MAP3K5: variants seen among roughly 807,000 people sequenced by gnomAD.
MAP3K5 encodes the protein mitogen-activated protein kinase kinase kinase 5, also known as ASK-1.
In MAP3K5, 56 loss-of-function variants were observed where a neutral mutation model predicts 158.7. The observed-to-expected ratio is 0.35, with a 90% CI of 0.28 to 0.44. MAP3K5 has a LOEUF of 0.44. Ranked by LOEUF, MAP3K5 falls within the 20% of genes least tolerant of loss-of-function variation. The probability of loss-of-function intolerance (pLI) is 1.00; values close to 1 mark genes in which losing one functional copy is unlikely to be tolerated. For synonymous variants in MAP3K5, 579 were observed against 601.7 expected (o/e 0.96, Z 0.55); for missense variants, 1,294 against 1,674.8 (o/e 0.77, Z 3.97).
rs1227434080 is a variant in MAP3K5, at chr6:136,609,992, A to C, written c.2521+1290T>G. 6.6e-6 allele frequency among the ~76,000 whole-genome samples: 1 copy of C among 152,016 alleles called. No homozygotes were observed. The highest frequency in any genetic ancestry group is 1.9e-4 in the East Asian group (1 of 5,194). On this transcript the variant is annotated intron_variant, in intron 18 of 29. Transcript: ENST00000359015. The surrounding 1 kb of genome is among the most constrained non-coding windows in gnomAD (Gnocchi z 4.4). ...CCGGTACACACTGCTGTGACTTCTG[A>C]CTGCAATGTCACTTCTCTCCCAGGT...
chr6:136,770,914 T>A (rs1040700135), intron 1 of MAP3K5, among the ~76,000 whole-genome samples: 13 of 152,180 alleles, frequency 8.5e-5, no homozygotes, highest in East Asian at 3.8e-4. Flanking sequence ...ATATAATAAA[T>A]TTTTAAAAAC....
At chr6:136,668,668 TA>T (rs1403396031) in intron 8 of MAP3K5, among the ~76,000 whole-genome samples, 2 of 152,164 alleles carry the variant, frequency 1.3e-5, no homozygotes, top group African/African-American at 4.8e-5. Context: ...TAAGATGCCC[TA>T]ACTTCTTTAA....
chr6:136,789,989 G>A (rs896727409), intron 1 of MAP3K5, among the ~76,000 whole-genome samples: 2 of 152,144 alleles, frequency 1.3e-5, no homozygotes, highest in African/African-American at 4.8e-5. Context: ...ACCACGCCTG[G>A]CCCAAGCACA....
chr6:136,658,922 G>A (rs1235409867), intron 9 of MAP3K5, among the ~76,000 whole-genome samples: 1 of 152,196 alleles, frequency 6.6e-6, no homozygotes. Context: ...AGTTATATTT[G>A]CAGGTGCAAA....
intron 8 of MAP3K5, among the ~76,000 whole-genome samples, chr6:136,664,132 T>C (rs2114492900): frequency 6.6e-6 from 1 of 152,312 alleles, no homozygotes. Context: ...CCATTGCTCT[T>C]ATTACTGCCT....
intron 26 of MAP3K5, among the ~76,000 whole-genome samples, chr6:136,566,088 C>A (rs1774095047): frequency 6.6e-6 from 1 of 152,068 alleles, no homozygotes; most frequent in African/African-American, 2.4e-5. Flanking sequence ...AAGAAAGCGG[C>A]CGGAAGCCCT....
chr6:136,714,707 T>C (rs923773885), intron 2 of MAP3K5, among the ~76,000 whole-genome samples: 1 of 152,152 alleles, frequency 6.6e-6, no homozygotes, highest in Admixed American at 6.5e-5. Flanking sequence ...TTCAGTTCTT[T>C]TGGGTATATA....
chr6:136,752,287 G>T (rs955420351), intron 1 of MAP3K5, among the ~76,000 whole-genome samples: 2 of 152,172 alleles, frequency 1.3e-5, no homozygotes, highest in African/African-American at 4.8e-5. Context: ...AAATCAATAA[G>T]GGCTGTATTA....
intron 2 of MAP3K5, among the ~76,000 whole-genome samples, chr6:136,719,302 A>C (rs1781656989): frequency 6.6e-6 from 1 of 152,238 alleles, no homozygotes; most frequent in Non-Finnish European, 1.5e-5. Flanking sequence ...ATGTCTAATT[A>C]AAAATGAGTT....
intron 1 of MAP3K5, among the ~76,000 whole-genome samples, chr6:136,774,237 A>C (rs928487386): frequency 6.6e-6 from 1 of 152,092 alleles, no homozygotes; most frequent in African/African-American, 2.4e-5. Context: ...ATAAACCTCT[A>C]GTATAACAAT....
At chr6:136,791,042 G>C (rs185243931) in intron 1 of MAP3K5, among the ~76,000 whole-genome samples, 103 of 152,246 alleles carry the variant, frequency 6.8e-4, no homozygotes, top group Middle Eastern at 3.4e-3. Flanking sequence ...ATGGTTTATG[G>C]GGTAATAAAA....
intron 3 of MAP3K5, among the ~76,000 whole-genome samples, chr6:136,702,317 A>C (rs1780888079): frequency 6.6e-6 from 1 of 152,178 alleles, no homozygotes; most frequent in African/African-American, 2.4e-5. Flanking sequence ...TGTGTTTTTC[A>C]AAAAGATATA....
At chr6:136,610,867 T>A (rs908349534) in intron 18 of MAP3K5, among the ~76,000 whole-genome samples, 10 of 151,824 alleles carry the variant, frequency 6.6e-5, no homozygotes, top group African/African-American at 2.4e-4. Flanking sequence ...CCAACACTTT[T>A]GGAGGCCACA....
At chr6:136,783,396 A>T (rs1333954568) in intron 1 of MAP3K5, among the ~76,000 whole-genome samples, 3 of 152,016 alleles carry the variant, frequency 2.0e-5, no homozygotes, top group African/African-American at 7.2e-5. Flanking sequence ...TAAAATTTTC[A>T]AGTTTAATTT....
intron 15 of MAP3K5, among the ~76,000 whole-genome samples, chr6:136,616,792 G>A (rs1250029042): frequency 2.0e-5 from 3 of 151,870 alleles, no homozygotes; most frequent in South Asian, 2.1e-4. Flanking sequence ...GCAGTGGCAC[G>A]ATTACAGCTC....
intron 1 of MAP3K5, among the ~76,000 whole-genome samples, chr6:136,775,468 G>A (rs760583443): frequency 2.0e-5 from 3 of 152,166 alleles, no homozygotes; most frequent in African/African-American, 4.8e-5. Context: ...TGAGAGTCTC[G>A]AATTCTCCTG....
In MAP3K5 at chr6:136,740,640, AG is replaced by A. The variant is rs1218011401; in HGVS notation, c.449-20052del. On this transcript the variant is annotated intron_variant, in intron 1 of 29. Transcript: ENST00000359015. ...TAAAAAAAAAGAAAGATTTAAAAAA[AG>A]AAGAAATGTTACCTGAAATTCCACC... 1.9e-4 allele frequency among the ~76,000 whole-genome samples: 29 copies of A among 152,380 alleles called. 2 individuals are homozygous for A. In the South Asian group the frequency reaches 6.0e-3, roughly 32 times the overall value.
At chr6:136,756,391 T>C (rs1480091363) in intron 1 of MAP3K5, among the ~76,000 whole-genome samples, 2 of 152,166 alleles carry the variant, frequency 1.3e-5, no homozygotes, top group Non-Finnish European at 2.9e-5. Flanking sequence ...TGCAATGAAA[T>C]GATCTCTCTG....
chr6:136,769,831 GAA>G (rs1765906476), intron 1 of MAP3K5, among the ~76,000 whole-genome samples: 2 of 47,270 alleles, frequency 4.2e-5, no homozygotes, highest in Admixed American at 2.4e-4. Flanking sequence ...GGGAGGGAGG[GAA>G]GGGAGGGAGG....
Sources: allele counts gnomAD v4.1 joint callset (sites outside exome capture counted in the v4.1 genomes callset), GRCh38; gene constraint gnomAD v4.1.1; non-coding constraint Gnocchi (gnomAD v3.1); transcripts MANE v1.5; gene names NCBI Gene and HGNC (gene_info 2026-07-23, HGNC 2026-07-21).